The following TSHZ3 variants were observed in gnomAD, a reference collection of about 807,000 sequenced individuals.
TSHZ3 encodes teashirt zinc finger homeobox 3, also known as teashirt homolog 3.
TSHZ3 carries 10 observed loss-of-function variants against 64.5 expected under a neutral mutation model. The observed-to-expected ratio is 0.16, with a 90% CI of 0.10 to 0.26. The LOEUF is 0.26. Among genes scored for constraint, TSHZ3 ranks in the 10% least tolerant of loss-of-function variants. TSHZ3 has a pLI of 1.00. For missense variants in TSHZ3, 1,242 were observed against 1,421.7 expected (o/e 0.87, Z 2.03); for synonymous variants, 608 against 593.1 (o/e 1.03, Z -0.36).
chr19:31,306,579 G>A (rs1427139368), intron 1 of TSHZ3, among the ~76,000 whole-genome samples: 1 of 152,158 alleles, frequency 6.6e-6, no homozygotes, highest in East Asian at 1.9e-4. Context: ...GTATGCGTGT[G>A]TGTGTATGTG....
At chr19:31,228,086 T>G (rs1480440266) in exon 4 of TSHZ3, among the ~76,000 whole-genome samples, 1 of 152,182 alleles carries the variant, frequency 6.6e-6, no homozygotes, top group Non-Finnish European at 1.5e-5. Context: ...TCTAGAGTCA[T>G]CTTCTTAAAC....
At chr19:31,235,578 T>A (rs190940254) in intron 3 of TSHZ3, among the ~76,000 whole-genome samples, 2 of 118,022 alleles carry the variant, frequency 1.7e-5, no homozygotes, top group Non-Finnish European at 3.1e-5. Context: ...TTTTCTTTCC[T>A]TCTCTTTTTT....
chr19:31,241,179 G>C (rs1229149240), intron 3 of TSHZ3, among the ~76,000 whole-genome samples: 2 of 152,110 alleles, frequency 1.3e-5, no homozygotes, highest in Non-Finnish European at 2.9e-5. Flanking sequence ...AGGCAGTTCA[G>C]TTGCTTGCAC....
At chr19:31,341,636 C>CTG (rs1917441674) in intron 1 of TSHZ3, among the ~76,000 whole-genome samples, 96 of 85,740 alleles carry the variant, frequency 1.1e-3, no homozygotes, top group African/African-American at 8.2e-3. Flanking sequence ...CTCTGACACA[C>CTG]ACACACACAC....
At position 31,276,527 on chromosome 19, in the gene TSHZ3, C is replaced by A. The variant is rs1976235674; in HGVS notation, c.*20G>T. 3 of 1,528,120 alleles carry A rather than the reference C, an allele frequency of 2.0e-6. No homozygotes were observed. Among genetic ancestry groups the A allele is most frequent in the South Asian group, 1.3e-5 (1 of 76,582 alleles). 94.7% of individuals were successfully genotyped at this position (1,528,120 alleles called of 1,614,324 possible). Reference sequence around the variant, plus strand: ...GTTTCCCTCAAAGCAAACTGCAGTCCTTTCTATCAAAAGCAAATGCTACTG... The same window carrying A: ...GTTTCCCTCAAAGCAAACTGCAGTCATTTCTATCAAAAGCAAATGCTACTG... On this transcript the variant is annotated 3_prime_UTR_variant, in exon 2 of 2. Coordinates refer to ENST00000240587, the MANE Select transcript of TSHZ3 (RefSeq NM_020856.4).
At chr19:31,238,899 G>A (rs1182284123) in intron 3 of TSHZ3, among the ~76,000 whole-genome samples, 1 of 151,956 alleles carries the variant, frequency 6.6e-6, no homozygotes, top group Non-Finnish European at 1.5e-5. Context: ...ATGAGTTGAG[G>A]TTTAAGTTCA....
intron 5 of TSHZ3, among the ~76,000 whole-genome samples, chr19:31,168,497 A>G: frequency 6.6e-6 from 1 of 152,228 alleles, no homozygotes; most frequent in East Asian, 1.9e-4. Flanking sequence ...AACTGGAGCC[A>G]AAGCTAGAAA....
At chr19:31,254,607 C>T (rs1039104) in intron 1 of TSHZ3, among the ~76,000 whole-genome samples, 125 of 152,158 alleles carry the variant, frequency 8.2e-4, no homozygotes, top group African/African-American at 2.9e-3. Flanking sequence ...CCGTTCAATG[C>T]GGCGGGTGAT....
chr19:31,204,134 T>C (rs539036181), intron 5 of TSHZ3, among the ~76,000 whole-genome samples: 88 of 152,148 alleles, frequency 5.8e-4, no homozygotes, highest in African/African-American at 2.1e-3. Context: ...CATGATCCAA[T>C]CACCTCCTTC....
chr19:31,172,373 C>T (rs1438906016), intron 5 of TSHZ3, among the ~76,000 whole-genome samples: 1 of 152,154 alleles, frequency 6.6e-6, no homozygotes, highest in African/African-American at 2.4e-5. Context: ...ATATTTGTCC[C>T]ACTGCAAACA....
chr19:31,193,677 C>T (rs181358406), intron 5 of TSHZ3, among the ~76,000 whole-genome samples: 16 of 152,188 alleles, frequency 1.1e-4, no homozygotes, highest in Admixed American at 2.6e-4. Flanking sequence ...CAGGACAGTG[C>T]GAGCCTTTGT....
At chr19:31,200,137 G>T (rs1438041861) in intron 5 of TSHZ3, among the ~76,000 whole-genome samples, 1 of 151,972 alleles carries the variant, frequency 6.6e-6, no homozygotes, top group Non-Finnish European at 1.5e-5. Context: ...AAATGAAACA[G>T]CCAATTTGGA....
Position 31,274,947 on chromosome 19 carries a change from A to G in TSHZ3, c.*1600T>C, listed in dbSNP as rs1416257763. 3 of 152,584 alleles carry G rather than the reference A, an allele frequency of 2.0e-5. No individual in the cohort carries two copies. The highest frequency in any genetic ancestry group is 2.9e-5 in the Non-Finnish European group (2 of 68,024). 9.5% of individuals were successfully genotyped at this position (152,584 alleles called of 1,614,324 possible). A position where few individuals can be genotyped will look rare whatever the true frequency, so the allele number is the denominator to read the frequency against. ...ATAATTGTGAACGCAACACAAAATTATAGCAAAAAGACAATTTTAATGCTG... is the reference window on the plus strand; with the variant it reads ...ATAATTGTGAACGCAACACAAAATTGTAGCAAAAAGACAATTTTAATGCTG... On this transcript the variant is annotated 3_prime_UTR_variant, in exon 2 of 2. Coordinates refer to ENST00000240587, the MANE Select transcript of TSHZ3 (RefSeq NM_020856.4).
At chr19:31,288,662 C>T (rs2145126780) in intron 1 of TSHZ3, among the ~76,000 whole-genome samples, 1 of 152,314 alleles carries the variant, frequency 6.6e-6, no homozygotes, top group South Asian at 2.1e-4. Context: ...CCCACCTCAG[C>T]CTCCCTAGTA....
intron 5 of TSHZ3, among the ~76,000 whole-genome samples, chr19:31,162,330 G>C (rs1052586606): frequency 1.3e-5 from 2 of 152,088 alleles, no homozygotes; most frequent in South Asian, 4.1e-4. Flanking sequence ...TCAGAAAGTG[G>C]TAACATCACT....
chr19:31,267,569 TC>T (rs1976070888), intron 1 of TSHZ3, among the ~76,000 whole-genome samples: 1 of 151,594 alleles, frequency 6.6e-6, no homozygotes, highest in Non-Finnish European at 1.5e-5. Context: ...CATCCACCCT[TC>T]CCCCATTTCT....
At chr19:31,208,923 A>T (rs570973277) in intron 4 of TSHZ3, among the ~76,000 whole-genome samples, 1 of 152,322 alleles carries the variant, frequency 6.6e-6, no homozygotes, top group South Asian at 2.1e-4. Context: ...GGTTGGTATC[A>T]GGTGGAGCTG....
chr19:31,187,062 C>T (rs1974822417), intron 5 of TSHZ3, among the ~76,000 whole-genome samples: 1 of 151,994 alleles, frequency 6.6e-6, no homozygotes, highest in Admixed American at 6.6e-5. Flanking sequence ...GTACACTTCT[C>T]TTACTTTTAA....
chr19:31,240,176 TA>T lies in TSHZ3; in HGVS notation n.550+2092del, dbSNP rs554661071. 2.0e-3 allele frequency among the ~76,000 whole-genome samples: 309 copies of T among 152,286 alleles called. 2 individuals carry two copies. The highest frequency in any genetic ancestry group is 7.0e-3 in the African/African-American group (292 of 41,564). On this transcript the variant is annotated intron_variant and non_coding_transcript_variant, in intron 3 of 6. Coordinates refer to the TSHZ3 transcript ENST00000651361. ...TTCTGAGACTCAAATTTCAGGTATGTAAAAGCAGTAGTTCTCATATTTTTTG... is the reference window on the plus strand; with the variant it reads ...TTCTGAGACTCAAATTTCAGGTATGTAAAGCAGTAGTTCTCATATTTTTTG...
Sources: allele counts gnomAD v4.1 joint callset (sites outside exome capture counted in the v4.1 genomes callset), GRCh38; gene constraint gnomAD v4.1.1; transcripts MANE v1.5; gene names NCBI Gene and HGNC (gene_info 2026-07-23, HGNC 2026-07-21).